The following USP6NL variants were observed in gnomAD, a reference collection of about 807,000 sequenced individuals.
USP6NL encodes USP6 N-terminal like.
Under a neutral mutation model 61.9 loss-of-function variants are expected in USP6NL, and 26 were observed. That is an observed-to-expected ratio of 0.42 (90% confidence interval 0.31 to 0.58). USP6NL has a LOEUF of 0.58. USP6NL is among the 20% of genes least tolerant of loss of function. USP6NL has a pLI of 0.16. For synonymous variants in USP6NL, 432 were observed against 390.1 expected (o/e 1.11, Z -1.27); for missense variants, 1,114 against 1,034.3 (o/e 1.08, Z -1.06).
chr10:11,509,539 GA>G, intron 6 of USP6NL, 55 bp downstream of exon 6: 1 of 1,406,148 alleles, frequency 7.1e-7, no homozygotes, highest in Non-Finnish European at 9.6e-7. Context: ...CTTCTACTAT[GA>G]AAATCCACAT....
rs1237147909 is a variant in USP6NL, at chr10:11,611,185, C to G, written c.-84+258G>C. 6 of 152,036 alleles carry G rather than the reference C, an allele frequency of 3.9e-5. No homozygotes were observed. Among genetic ancestry groups the G allele is most frequent in the Admixed American group, 3.9e-4 (6 of 15,276 alleles). The allele number at this position is 152,036 out of a possible 1,614,324, so 9.4% of individuals were successfully genotyped here. ...TTCCACCCCCGGGCCTCCCCGCACC[C>G]CGCGCGGCGCCCCCAGCCCGCCCAT... On this transcript the variant is annotated intron_variant, in intron 1 of 14. Coordinates refer to ENST00000609104, the MANE Select transcript of USP6NL (RefSeq NM_014688.5). This position sits in a 1 kb window ranked among gnomAD's most constrained non-coding sequence, Gnocchi z 5.3.
chr10:11,572,125 G>A (rs1837387877), intron 2 of USP6NL, among the ~76,000 whole-genome samples: 1 of 151,720 alleles, frequency 6.6e-6, no homozygotes, highest in Non-Finnish European at 1.5e-5. Flanking sequence ...AAGTAACTAT[G>A]ATTGTGAATG....
intron 14 of USP6NL, among the ~76,000 whole-genome samples, chr10:11,475,321 A>T (rs1832924851): frequency 1.3e-5 from 2 of 151,316 alleles, no homozygotes; most frequent in Non-Finnish European, 2.9e-5. Context: ...AAAAAATGTA[A>T]AAGAGGCTGG....
chr10:11,487,104 T>C lies in USP6NL; in HGVS notation c.665-1193A>G, dbSNP rs1833502305. On this transcript the variant is annotated intron_variant, in intron 10 of 14. Transcript: ENST00000609104. The surrounding 1 kb of genome is among the most constrained non-coding windows in gnomAD (Gnocchi z 4.2). ...ACTTTCATAGTCAATTTGATAGGAA[T>C]GGAAGTTGAAAAATTTTCAAGAAAA... Among the ~76,000 whole-genome samples, 1 of 151,772 alleles carries C rather than the reference T, an allele frequency of 6.6e-6. No individual in the cohort carries two copies. Among genetic ancestry groups the C allele is most frequent in the Admixed American group, 6.6e-5 (1 of 15,236 alleles).
intron 4 of USP6NL, among the ~76,000 whole-genome samples, chr10:11,521,569 A>G (rs1835210097): frequency 6.6e-6 from 1 of 151,856 alleles, no homozygotes; most frequent in African/African-American, 2.4e-5. Context: ...TTTAGTAGAG[A>G]TGGGGTTTCA....
rs1271119968 is a variant in USP6NL at position 11,562,999 on chromosome 10, AT to A, written c.4+34631del. 4.0e-5 allele frequency among the ~76,000 whole-genome samples: 6 copies of A among 151,808 alleles called. No homozygotes were observed. The highest frequency in any genetic ancestry group is 2.1e-4 in the South Asian group (1 of 4,832). On this transcript the variant is annotated intron_variant, in intron 2 of 14. Coordinates refer to ENST00000609104, the MANE Select transcript of USP6NL (RefSeq NM_014688.5). This position sits in a 1 kb window ranked among gnomAD's most constrained non-coding sequence, Gnocchi z 4.8. ...AGCTTTATTTGTAATAGTAAAAAAA[AT>A]AAAAAATAAAATAAAATAAATAAAA...
At chr10:11,527,748 T>C (rs1163119336) in intron 2 of USP6NL, among the ~76,000 whole-genome samples, 181 bp from the exon 3 acceptor site, 1 of 152,222 alleles carries the variant, frequency 6.6e-6, no homozygotes, top group African/African-American at 2.4e-5. Flanking sequence ...GCAATACATG[T>C]AATATTCAAT....
intron 3 of USP6NL, 88 bp downstream of exon 3, chr10:11,527,412 A>G (rs1835463098): frequency 1.7e-6 from 2 of 1,185,950 alleles, no homozygotes; most frequent in Non-Finnish European, 2.4e-6. Flanking sequence ...CTGCTTCTGG[A>G]ATGTAAGCCC....
chr10:11,581,030 T>A (rs1315545271), intron 2 of USP6NL, among the ~76,000 whole-genome samples: 2 of 152,186 alleles, frequency 1.3e-5, no homozygotes, highest in African/African-American at 4.8e-5. Flanking sequence ...ATGTTATAAG[T>A]AATTCAAACC....
At chr10:11,466,868 T>C (rs1832481598) in intron 14 of USP6NL, among the ~76,000 whole-genome samples, 1 of 152,166 alleles carries the variant, frequency 6.6e-6, no homozygotes, top group Non-Finnish European at 1.5e-5. Context: ...AATCTAAAGA[T>C]AGAAATGGGA....
intron 2 of USP6NL, among the ~76,000 whole-genome samples, chr10:11,547,542 C>CTTTTTTTT (rs11409797): frequency 7.2e-6 from 1 of 137,998 alleles, no homozygotes; most frequent in African/African-American, 2.7e-5. Flanking sequence ...CATTTTAAAA[C>CTTTTTTTT]TTTTTTTTTT....
chr10:11,557,393 C>T (rs377163304), intron 2 of USP6NL, among the ~76,000 whole-genome samples: 5 of 152,140 alleles, frequency 3.3e-5, no homozygotes, highest in Non-Finnish European at 7.4e-5. Flanking sequence ...TTTTTAGTGC[C>T]TTTTTACGAT....
In USP6NL at chr10:11,465,508, A is replaced by T. The variant is rs554709141; in HGVS notation, c.1079-1659T>A. On this transcript the variant is annotated intron_variant, in intron 14 of 14. Transcript: ENST00000609104. This position sits in a 1 kb window ranked among gnomAD's most constrained non-coding sequence, Gnocchi z 4.5. The stretch of plus-strand genomic sequence containing the variant: ...AGCCACCAACTTTTTAGCTCACATG[A>T]AATAATTTAAAATGTCTTTTAAGAT... Among the ~76,000 whole-genome samples the T allele has an allele frequency of 7.9e-5, 12 of 152,286 alleles. No individual in the cohort carries two copies. The East Asian group carries it at 2.3e-3, about 29-fold the overall frequency.
At chr10:11,531,286 C>G (rs1835645742) in intron 2 of USP6NL, among the ~76,000 whole-genome samples, 1 of 151,888 alleles carries the variant, frequency 6.6e-6, no homozygotes, top group Non-Finnish European at 1.5e-5. Flanking sequence ...AAAAATAAAA[C>G]CATGTGCAGA....
chr10:11,597,557 T>C lies in USP6NL; in HGVS notation c.4+74A>G. 6.9e-7 allele frequency: 1 copy of C among 1,456,284 alleles called. No individual in the cohort carries two copies. Among genetic ancestry groups the C allele is most frequent in the Non-Finnish European group, 9.4e-7 (1 of 1,060,258 alleles). 90.2% of individuals were successfully genotyped at this position (1,456,284 alleles called of 1,614,324 possible). ...CATAATTCCAATTTATTCAGTAACA[T>C]GTTTTTCTTCTCCTAAGCACAATAC... On this transcript the variant is annotated intron_variant, in intron 2 of 14. Coordinates refer to ENST00000609104, the MANE Select transcript of USP6NL (RefSeq NM_014688.5). This position sits in a 1 kb window ranked among gnomAD's most constrained non-coding sequence, Gnocchi z 4.6.
Position 11,493,199 on chromosome 10 carries a change from T to G in USP6NL, c.414A>C (p.Ser138=), listed in dbSNP as rs1182497896. 10 of 1,612,070 alleles carry G rather than the reference T, an allele frequency of 6.2e-6. No individual in the cohort carries two copies. The highest frequency in any genetic ancestry group is 8.5e-6 in the Non-Finnish European group (10 of 1,178,996). Residue 138 remains serine (S), a synonymous_variant, in exon 8 of 15, where the codon TCA becomes TCC. Coordinates refer to ENST00000609104, the MANE Select transcript of USP6NL (RefSeq NM_014688.5). The stretch of plus-strand genomic sequence containing the variant: ...CCAGGTCTATTTGTCTGATGTCAGG[T>G]GAACAGCCCCGTGCTCTGTGTTTTA... ...SKLKHRARGC[S]PDIRQIDLDV...
chr10:11,576,051 T>G (rs576465030), intron 2 of USP6NL, among the ~76,000 whole-genome samples: 1 of 151,262 alleles, frequency 6.6e-6, no homozygotes, highest in African/African-American at 2.4e-5. Flanking sequence ...TCAAAATAGT[T>G]ACGGGTAAAT....
intron 14 of USP6NL, among the ~76,000 whole-genome samples, chr10:11,471,965 T>TAAA (rs543232536): frequency 0.013 from 1,818 of 137,860 alleles, 24 homozygotes; most frequent in African/African-American, 0.036. Flanking sequence ...CCCTAAAACT[T>TAAA]AAAAAAAAAA....
intron 5 of USP6NL, among the ~76,000 whole-genome samples, chr10:11,517,729 T>C (rs567800496): frequency 6.6e-6 from 1 of 152,344 alleles, no homozygotes; most frequent in South Asian, 2.1e-4. Context: ...TCAGAAAAGT[T>C]TGATCCCAGG....
Sources: allele counts gnomAD v4.1 joint callset (sites outside exome capture counted in the v4.1 genomes callset), GRCh38; gene constraint gnomAD v4.1.1; non-coding constraint Gnocchi (gnomAD v3.1); transcripts MANE v1.5; gene names NCBI Gene and HGNC (gene_info 2026-07-23, HGNC 2026-07-21).